The following STAC variants were observed in gnomAD, a reference collection of about 807,000 sequenced individuals.
STAC encodes SH3 and cysteine-rich domain-containing protein.
Under a neutral mutation model 48.8 loss-of-function variants are expected in STAC, and 43 were observed. The observed-to-expected ratio is 0.88, with a 90% CI of 0.69 to 1.14. The LOEUF is 1.14. Ranked by LOEUF, STAC falls within the 50% of genes most tolerant of loss-of-function variation. The probability of loss-of-function intolerance (pLI) is 0.00; values close to 1 mark genes in which losing one functional copy is unlikely to be tolerated. For missense variants in STAC, 497 were observed against 504.0 expected (o/e 0.99, Z 0.13); for synonymous variants, 193 against 179.5 (o/e 1.07, Z -0.60).
In STAC at chr3:36,532,504, G is replaced by T. The variant is rs750405524; in HGVS notation, c.1110+3519G>T. 5.9e-5 allele frequency among the ~76,000 whole-genome samples: 9 copies of T among 152,120 alleles called. No individual in the cohort carries two copies. The South Asian group carries it at 8.3e-4, about 14-fold the overall frequency. ...GATCCTTCATTTTCTGCCCAAAGTT[G>T]TTTGTTCCCCCTGGGGCTGTTATTT... On this transcript the variant is annotated intron_variant, in intron 10 of 10. Transcript: ENST00000273183.
At chr3:36,490,785 G>A (rs1697947770) in intron 5 of STAC, among the ~76,000 whole-genome samples, 2 of 152,226 alleles carry the variant, frequency 1.3e-5, no homozygotes, top group South Asian at 4.1e-4. Context: ...GACAATTGGG[G>A]ATGTCCCAGT....
At chr3:36,543,512 T>C (rs1176034034) in intron 10 of STAC, among the ~76,000 whole-genome samples, 1 of 152,218 alleles carries the variant, frequency 6.6e-6, no homozygotes, top group Admixed American at 6.5e-5. Flanking sequence ...ATTGTGCTTC[T>C]TGGCTTCCTA....
chr3:36,470,426 G>A (rs140061631), intron 2 of STAC, among the ~76,000 whole-genome samples: 162 of 152,320 alleles, frequency 1.1e-3, no homozygotes, highest in African/African-American at 3.4e-3. Context: ...ATCCATCTTC[G>A]GTCTTTCAGC....
At chr3:36,430,160 A>G (rs1700665163) in intron 1 of STAC, among the ~76,000 whole-genome samples, 1 of 152,242 alleles carries the variant, frequency 6.6e-6, no homozygotes, top group African/African-American at 2.4e-5. Context: ...TCAATTACTC[A>G]ACATAGAATG....
At position 36,475,325 on chromosome 3, in the gene STAC, T is replaced by C. The variant is rs547640762; in HGVS notation, c.389-7667T>C. On this transcript the variant is annotated intron_variant, in intron 2 of 10. Coordinates refer to ENST00000273183, the MANE Select transcript of STAC (RefSeq NM_003149.3). ...TCAAATCATCGTGATTTCTTAGATT[T>C]TGAAGCCACAGATTTCAATAATGGC... 1.5e-4 allele frequency among the ~76,000 whole-genome samples: 23 copies of C among 152,326 alleles called. 1 individual carries two copies. In the South Asian group the frequency reaches 4.3e-3, roughly 29 times the overall value.
At chr3:36,447,205 A>T (rs1473368282) in intron 2 of STAC, among the ~76,000 whole-genome samples, 2 of 152,124 alleles carry the variant, frequency 1.3e-5, no homozygotes, top group East Asian at 3.9e-4. Flanking sequence ...GCCCCCAGGA[A>T]GTAGTGAGAG....
rs1359357165 is a variant in STAC at position 36,380,732 on chromosome 3, C to T, written c.89C>T (p.Ser30Phe). The T allele has an allele frequency of 6.2e-7, 1 of 1,611,496 alleles. No homozygotes were observed. The highest frequency in any genetic ancestry group is 1.1e-5 in the South Asian group (1 of 90,772). ...VGAEQPPSPA[S>F]TSSQESKLQK... is the part of the protein sequence containing the mutation. ...GCCGAGCAACCGCCCTCTCCTGCATCCACCAGCAGCCAGGAATCCAAGGTA... is the reference window on the plus strand; with the variant it reads ...GCCGAGCAACCGCCCTCTCCTGCATTCACCAGCAGCCAGGAATCCAAGGTA... Residue 30 changes from serine (S) to phenylalanine (F), a missense_variant, in exon 1 of 11, where the codon TCC (serine) becomes TTC (phenylalanine). By Grantham distance (155) the Ser-to-Phe change is radical. Transcript: ENST00000273183.
chr3:36,502,839 C>A (rs138578311), intron 6 of STAC, among the ~76,000 whole-genome samples: 16 of 152,242 alleles, frequency 1.1e-4, no homozygotes, highest in African/African-American at 3.4e-4. Context: ...TAGAACCGGG[C>A]CTTCGTTTTC....
intron 2 of STAC, among the ~76,000 whole-genome samples, chr3:36,457,741 A>G (rs536366805): frequency 3.8e-4 from 58 of 152,344 alleles, no homozygotes; most frequent in African/African-American, 1.4e-3. Context: ...GAAAATGATC[A>G]TCCAGGAGGA....
intron 6 of STAC, among the ~76,000 whole-genome samples, chr3:36,494,184 A>G (rs1575239041): frequency 6.8e-6 from 1 of 147,626 alleles, no homozygotes; most frequent in Admixed American, 6.8e-5. Flanking sequence ...AGAAAGAGCC[A>G]CCTCGTAATC....
At chr3:36,544,316 T>C (rs1699395138) in intron 10 of STAC, among the ~76,000 whole-genome samples, 1 of 152,020 alleles carries the variant, frequency 6.6e-6, no homozygotes, top group African/African-American at 2.4e-5. Context: ...ATTACAGGCA[T>C]GCACCATCAC....
rs76471283 is a variant in STAC at position 36,546,150 on chromosome 3, G to A, written c.1111-41G>A. On this transcript the variant is annotated intron_variant, in intron 10 of 10. Transcript: ENST00000273183. ...TGCAGGTTCTAACTTCGTTCTTGCTGACAGTAAAGTATTTTGTTTTTTTTC... is the reference window on the plus strand; with the variant it reads ...TGCAGGTTCTAACTTCGTTCTTGCTAACAGTAAAGTATTTTGTTTTTTTTC... The A allele has an allele frequency of 2.9e-3, 4,489 of 1,562,778 alleles. 128 individuals carry two copies. In the African/African-American group the frequency reaches 0.053, roughly 18 times the overall value.
chr3:36,502,564 AT>A (rs1290140773), intron 6 of STAC, among the ~76,000 whole-genome samples: 1 of 152,222 alleles, frequency 6.6e-6, no homozygotes, highest in East Asian at 1.9e-4. Context: ...TGTAAAATCA[AT>A]CCACACTGAA....
intron 2 of STAC, among the ~76,000 whole-genome samples, chr3:36,451,101 A>T (rs1371526037): frequency 1.3e-5 from 2 of 152,120 alleles, no homozygotes; most frequent in Non-Finnish European, 2.9e-5. Context: ...TATGATTTAC[A>T]TGCTTTCTAG....
chr3:36,504,162 G>A (rs1698342712), intron 6 of STAC, among the ~76,000 whole-genome samples: 1 of 152,170 alleles, frequency 6.6e-6, no homozygotes, highest in Admixed American at 6.5e-5. Context: ...AGTCAGGCAT[G>A]TACAAAAGTT....
intron 2 of STAC, among the ~76,000 whole-genome samples, chr3:36,476,548 T>C (rs1288905257): frequency 6.6e-6 from 1 of 152,016 alleles, no homozygotes; most frequent in Non-Finnish European, 1.5e-5. Context: ...GCAAGGAAAG[T>C]AGGGAGGGGT....
chr3:36,540,417 T>A (rs1474380756), intron 10 of STAC, among the ~76,000 whole-genome samples: 1 of 152,160 alleles, frequency 6.6e-6, no homozygotes, highest in African/African-American at 2.4e-5. Flanking sequence ...GATAGGGAGA[T>A]ACCCTAGATT....
At chr3:36,438,032 G>T (rs894673942) in intron 1 of STAC, among the ~76,000 whole-genome samples, 1 of 151,518 alleles carries the variant, frequency 6.6e-6, no homozygotes, top group Non-Finnish European at 1.5e-5. Context: ...TTGCCTCCCA[G>T]GTTCAAGCAA....
chr3:36,443,791 A>G lies in STAC; in HGVS notation c.388+151A>G. On this transcript the variant is annotated intron_variant, in intron 2 of 10. Coordinates refer to ENST00000273183, the MANE Select transcript of STAC (RefSeq NM_003149.3). This position sits in a 1 kb window ranked among gnomAD's most constrained non-coding sequence, Gnocchi z 4.2. ...ATTCAGGAGTGCTTTGGGGAACAAT[A>G]TTTGTGAGAAGGTAAGGGAAGCAGC... 1 of 1,072,542 alleles carries G rather than the reference A, an allele frequency of 9.3e-7. No homozygotes were observed. Among genetic ancestry groups the G allele is most frequent in the South Asian group, 1.6e-5 (1 of 63,440 alleles). The allele number at this position is 1,072,542 out of a possible 1,614,324, so 66.4% of individuals were successfully genotyped here.
Sources: allele counts gnomAD v4.1 joint callset (sites outside exome capture counted in the v4.1 genomes callset), GRCh38; gene constraint gnomAD v4.1.1; non-coding constraint Gnocchi (gnomAD v3.1); transcripts MANE v1.5; gene names NCBI Gene and HGNC (gene_info 2026-07-23, HGNC 2026-07-21).